CNGA3: variants seen among roughly 807,000 people sequenced by gnomAD.
CNGA3 encodes the protein cyclic nucleotide-gated channel alpha-3.
Under a neutral mutation model 46.6 loss-of-function variants are expected in CNGA3, and 42 were observed. The ratio of observed to expected loss-of-function variants is 0.90; its 90% CI spans 0.70 to 1.17. The LOEUF is 1.17. CNGA3 is among the 50% of genes most tolerant of loss of function. CNGA3 has a pLI of 0.00. For synonymous variants in CNGA3, 394 were observed against 369.4 expected (o/e 1.07, Z -0.76); for missense variants, 893 against 890.7 (o/e 1.00, Z -0.03).
intron 1 of CNGA3, among the ~76,000 whole-genome samples, chr2:98,369,600 T>C (rs1574369504): frequency 6.6e-6 from 1 of 152,210 alleles, no homozygotes; most frequent in Non-Finnish European, 1.5e-5. Flanking sequence ...GGACACTGCA[T>C]CATCTCAAAG....
At chr2:98,370,168 T>C (rs1211750751) in intron 2 of CNGA3, 92 bp downstream of exon 2, 5 of 1,061,346 alleles carry the variant, frequency 4.7e-6, no homozygotes, top group African/African-American at 1.6e-5. Flanking sequence ...TGCCTTCACG[T>C]TGGCCAGCCA....
chr2:98,378,816 G>A (rs1229458927), intron 3 of CNGA3, among the ~76,000 whole-genome samples: 1 of 152,236 alleles, frequency 6.6e-6, no homozygotes, highest in Non-Finnish European at 1.5e-5. Context: ...CGCAGGAGGG[G>A]ACCTGGGGAG....
chr2:98,382,807 G>A (rs756705578), intron 4 of CNGA3, among the ~76,000 whole-genome samples: 34 of 152,330 alleles, frequency 2.2e-4, no homozygotes, highest in Non-Finnish European at 3.1e-4. Flanking sequence ...CCCTGGAGTC[G>A]TAAAATTTGG....
chr2:98,365,842 G>A (rs1036211817), intron 1 of CNGA3, among the ~76,000 whole-genome samples: 4 of 152,142 alleles, frequency 2.6e-5, no homozygotes, highest in Non-Finnish European at 2.9e-5. Flanking sequence ...GGGTTAGAAC[G>A]TGCTCCTTTA....
intron 3 of CNGA3, among the ~76,000 whole-genome samples, chr2:98,378,786 G>T (rs1024694150): frequency 3.3e-5 from 5 of 152,228 alleles, no homozygotes; most frequent in Admixed American, 3.3e-4. Flanking sequence ...CTATCTCAGG[G>T]AAACAGAGCC....
chr2:98,389,717 GC>G lies in CNGA3; in HGVS notation c.510del (p.Trp171GlyfsTer2). 6.2e-7 allele frequency: 1 copy of G among 1,613,734 alleles called. No homozygotes were observed. The highest frequency in any genetic ancestry group is 8.5e-7 in the Non-Finnish European group (1 of 1,180,034). On this transcript the variant is annotated frameshift_variant, in exon 6 of 8. Transcript: ENST00000272602. LOFTEE classifies it high-confidence loss of function. ...VVDPSSNLYY[R>X]WLTAIALPVF... ...GACCCGTCCAGCAACCTGTACTACCGCTGGCTGACCGCCATCGCCCTGCCTG... is the reference window on the plus strand; with the variant it reads ...GACCCGTCCAGCAACCTGTACTACCGTGGCTGACCGCCATCGCCCTGCCTG...
chr2:98,378,080 A>C, intron 3 of CNGA3: 1 of 1,550,732 alleles, frequency 6.4e-7, no homozygotes, highest in Non-Finnish European at 8.7e-7. Flanking sequence ...TCAGAAAAAA[A>C]GCCAACCGGA....
chr2:98,395,155 G>A (rs1206634962), intron 7 of CNGA3, among the ~76,000 whole-genome samples: 1 of 151,896 alleles, frequency 6.6e-6, no homozygotes, highest in African/African-American at 2.4e-5. Context: ...TAAATCAATT[G>A]AGATCTGCCT....
intron 1 of CNGA3, among the ~76,000 whole-genome samples, chr2:98,361,726 G>C (rs371847085): frequency 6.5e-4 from 30 of 46,242 alleles, no homozygotes; most frequent in African/African-American, 2.3e-3. Flanking sequence ...TTTTTTTTTT[G>C]AGACAGAGTC....
chr2:98,379,909 T>C (rs78879090), intron 3 of CNGA3: 6,765 of 551,268 alleles, frequency 0.012, 89 homozygotes, highest in South Asian at 0.028. Context: ...GGACAAATGG[T>C]AATAAAGAGA....
chr2:98,388,698 A>AGTGGGCCGG (rs1308987368), intron 5 of CNGA3, among the ~76,000 whole-genome samples: 1 of 152,218 alleles, frequency 6.6e-6, no homozygotes, highest in African/African-American at 2.4e-5. Context: ...TGCCCTCACA[A>AGTGGGCCGG]GTGGGCCGGC....
intron 1 of CNGA3, among the ~76,000 whole-genome samples, chr2:98,350,172 A>G (rs901640558): frequency 4.6e-5 from 7 of 152,144 alleles, no homozygotes; most frequent in Non-Finnish European, 8.8e-5. Context: ...GTGACTTTGA[A>G]CCAAGGTATT....
At chr2:98,388,605 T>A (rs963997482) in intron 5 of CNGA3, among the ~76,000 whole-genome samples, 2 of 152,056 alleles carry the variant, frequency 1.3e-5, no homozygotes, top group Non-Finnish European at 2.9e-5. Context: ...GTAAAGAGAG[T>A]TGCTTGTCTG....
In CNGA3 at chr2:98,398,157, A is replaced by AACGT. The variant is rs1692965553; in HGVS notation, c.*904_*907dup. ...AGTTTTAGAAGATTAGACCATTAGG[A>AACGT]ACGTATCTTTGCAAACTGCCCATTC... is the stretch of plus-strand genomic sequence containing the variant. On this transcript the variant is annotated 3_prime_UTR_variant, in exon 8 of 8. Coordinates refer to ENST00000272602, the MANE Select transcript of CNGA3 (RefSeq NM_001298.3). 6.6e-6 allele frequency: 1 copy of AACGT among 152,186 alleles called. No individual in the cohort carries two copies. The highest frequency in any genetic ancestry group is 6.5e-5 in the Admixed American group (1 of 15,286). The allele number at this position is 152,186 out of a possible 1,614,324, so 9.4% of individuals were successfully genotyped here.
At chr2:98,381,571 C>T (rs776667198) in intron 4 of CNGA3, among the ~76,000 whole-genome samples, 4 of 152,058 alleles carry the variant, frequency 2.6e-5, no homozygotes, top group African/African-American at 4.8e-5. Flanking sequence ...GGATGGCGAA[C>T]GGCACGGGCA....
intron 5 of CNGA3, among the ~76,000 whole-genome samples, chr2:98,386,481 G>A (rs367543388): frequency 5.3e-5 from 8 of 152,286 alleles, no homozygotes; most frequent in East Asian, 3.9e-4. Context: ...TTTGCGTGCC[G>A]CCACGTAAGA....
rs1293681017 is a variant in CNGA3 at position 98,380,301 on chromosome 2, A to T, written c.342A>T (p.Glu114Asp). The change falls in exon 4 of 8, where the codon GAA becomes GAT. Residue 114 changes from glutamate (E) to aspartate (D), a missense_variant. Around this residue, in one of 3 missense-constraint regions of CNGA3, gnomAD observed 333 missense variants for 290.8 expected, o/e 1.15. Coordinates refer to ENST00000272602, the MANE Select transcript of CNGA3 (RefSeq NM_001298.3). ...GAELKEVSSQESNAQANVGSQ... is the reference protein window; with the variant it reads ...GAELKEVSSQDSNAQANVGSQ... ...AGCTTAAGGAGGTGTCCAGCCAAGA[A>T]AGCAATGCCCAGGCAAATGTGGGCA... is the stretch of plus-strand genomic sequence containing the variant. 6.2e-7 allele frequency: 1 copy of T among 1,614,202 alleles called. No homozygotes were observed. Among genetic ancestry groups the T allele is most frequent in the East Asian group, 2.2e-5 (1 of 44,884 alleles).
chr2:98,394,361 C>G (rs1692861232), intron 7 of CNGA3, among the ~76,000 whole-genome samples: 1 of 152,284 alleles, frequency 6.6e-6, no homozygotes, highest in East Asian at 1.9e-4. Flanking sequence ...CTTTGGGTAA[C>G]AGTCACGTGC....
At chr2:98,379,340 G>A (rs897810483) in intron 3 of CNGA3, among the ~76,000 whole-genome samples, 3 of 152,252 alleles carry the variant, frequency 2.0e-5, no homozygotes, top group African/African-American at 7.2e-5. Context: ...CCCGTCCAGG[G>A]GAGGGCACTG....
Sources: allele counts gnomAD v4.1 joint callset (sites outside exome capture counted in the v4.1 genomes callset), GRCh38; gene constraint gnomAD v4.1.1; regional missense constraint gnomAD v4.1.1; transcripts MANE v1.5; gene names NCBI Gene and HGNC (gene_info 2026-07-23, HGNC 2026-07-21).